Variants in GALNT18 observed in about 807,000 individuals in gnomAD.
GALNT18 encodes GalNAc-transferase 18.
Under a neutral mutation model 69.5 loss-of-function variants are expected in GALNT18, and 44 were observed. The observed-to-expected ratio is 0.63, with a 90% CI of 0.50 to 0.81. The LOEUF is 0.81. Among genes scored for constraint, GALNT18 ranks in the 40% least tolerant of loss-of-function variants. GALNT18 has a pLI of 0.00. For synonymous variants in GALNT18, 364 were observed against 318.2 expected, an observed-to-expected ratio of 1.14 and a Z score of -1.53; for missense variants, 715 against 810.0, an observed-to-expected ratio of 0.88 and a Z score of 1.42.
intron 1 of GALNT18, among the ~76,000 whole-genome samples, chr11:11,502,195 T>C (rs1029838130): frequency 7.2e-5 from 11 of 152,164 alleles, no homozygotes; most frequent in Admixed American, 5.2e-4. Flanking sequence ...AAGATGTATC[T>C]CTAAGGCGAA....
chr11:11,510,000 A>C (rs7944077), intron 1 of GALNT18, among the ~76,000 whole-genome samples: 90,154 of 152,060 alleles, frequency 0.59, 27,670 homozygotes, highest in Non-Finnish European at 0.67. Flanking sequence ...CCAGCAGAGC[A>C]CCCAAGGTCC....
At chr11:11,492,448 T>C (rs1856790391) in intron 1 of GALNT18, among the ~76,000 whole-genome samples, 1 of 152,144 alleles carries the variant, frequency 6.6e-6, no homozygotes, top group South Asian at 2.1e-4. Flanking sequence ...GGGTTAGAAA[T>C]AGATCTGCAT....
Position 11,480,736 on chromosome 11 carries a change from A to G in GALNT18, c.236-31800T>C, listed in dbSNP as rs1024407560. Among the ~76,000 whole-genome samples, 3 of 152,198 alleles carry G rather than the reference A, an allele frequency of 2.0e-5. No individual in the cohort carries two copies. Among genetic ancestry groups the G allele is most frequent in the African/African-American group, 7.2e-5 (3 of 41,448 alleles). ...TCCAGATGAGTCCCTTCATCCCTGT[A>G]TCAGCACTTCTCACAGCGTGCTCTA... On this transcript the variant is annotated intron_variant, in intron 1 of 10. Coordinates refer to ENST00000227756, the MANE Select transcript of GALNT18 (RefSeq NM_198516.3). The surrounding 1 kb of genome is among the most constrained non-coding windows in gnomAD (Gnocchi z 4.6).
chr11:11,486,161 C>T (rs1450758098), intron 1 of GALNT18, among the ~76,000 whole-genome samples: 1 of 152,148 alleles, frequency 6.6e-6, no homozygotes, highest in Non-Finnish European at 1.5e-5. Context: ...AGCGAGTAGG[C>T]CTGCTGGCAC....
intron 6 of GALNT18, among the ~76,000 whole-genome samples, chr11:11,355,327 T>C (rs1850507905): frequency 6.6e-6 from 1 of 152,214 alleles, no homozygotes; most frequent in Non-Finnish European, 1.5e-5. Flanking sequence ...ATGGACTGAA[T>C]TGTCTCCCCC....
At position 11,277,345 on chromosome 11, in the gene GALNT18, C is replaced by A. The variant is rs944669220; in HGVS notation, c.1678-6055G>T. 3.3e-5 allele frequency among the ~76,000 whole-genome samples: 5 copies of A among 152,154 alleles called. No individual in the cohort carries two copies. In the South Asian group the frequency reaches 1.0e-3, roughly 32 times the overall value. On this transcript the variant is annotated intron_variant, in intron 10 of 10. Coordinates refer to ENST00000227756, the MANE Select transcript of GALNT18 (RefSeq NM_198516.3). ...ATGGTAGTTTGTATTTCTGTGGGAT[C>A]AGTGGTAATATCCCCTTTATCATTT... is the stretch of plus-strand genomic sequence containing the variant.
At chr11:11,531,194 G>A (rs1269326119) in intron 1 of GALNT18, among the ~76,000 whole-genome samples, 2 of 152,182 alleles carry the variant, frequency 1.3e-5, no homozygotes, top group African/African-American at 2.4e-5. Context: ...ACCAGGCAGC[G>A]TAGAAGCCAA....
chr11:11,565,786 G>A (rs116995275), intron 1 of GALNT18, among the ~76,000 whole-genome samples: 2 of 152,264 alleles, frequency 1.3e-5, no homozygotes, highest in Non-Finnish European at 2.9e-5. Flanking sequence ...AAATCCAGTC[G>A]GTCTTGGGAG....
chr11:11,515,905 GGA>G (rs918958537), intron 1 of GALNT18, among the ~76,000 whole-genome samples: 2 of 152,234 alleles, frequency 1.3e-5, no homozygotes, highest in African/African-American at 4.8e-5. Flanking sequence ...TCCCTCAACG[GGA>G]GAGAGGCAAC....
Position 11,598,059 on chromosome 11 carries a change from T to C in GALNT18, c.235+23300A>G, listed in dbSNP as rs1859544561. Among the ~76,000 whole-genome samples, 1 of 152,184 alleles carries C rather than the reference T, an allele frequency of 6.6e-6. No homozygotes were observed. Among genetic ancestry groups the C allele is most frequent in the Admixed American group, 6.5e-5 (1 of 15,272 alleles). Reference sequence around the variant, plus strand: ...CCAACTTTTGGTTTTATTGATCTTCTCTATTGGCTTTCTATTCTCCATTTA... The same window carrying C: ...CCAACTTTTGGTTTTATTGATCTTCCCTATTGGCTTTCTATTCTCCATTTA... On this transcript the variant is annotated intron_variant, in intron 1 of 10. Coordinates refer to ENST00000227756, the MANE Select transcript of GALNT18 (RefSeq NM_198516.3). The surrounding 1 kb of genome is among the most constrained non-coding windows in gnomAD (Gnocchi z 4.8).
At chr11:11,376,546 T>C (rs1853766251) in intron 5 of GALNT18, among the ~76,000 whole-genome samples, 1 of 152,094 alleles carries the variant, frequency 6.6e-6, no homozygotes, top group Non-Finnish European at 1.5e-5. Context: ...CAGTATGAAG[T>C]CACTTTTGTC....
At chr11:11,526,634 C>T (rs148178636) in intron 1 of GALNT18, among the ~76,000 whole-genome samples, 242 of 152,284 alleles carry the variant, frequency 1.6e-3, no homozygotes, top group Non-Finnish European at 2.7e-3. Flanking sequence ...TCAGGCTACA[C>T]GTCCATCAGG....
chr11:11,563,291 C>G lies in GALNT18; in HGVS notation c.235+58068G>C, dbSNP rs1351463379. Among the ~76,000 whole-genome samples, 1 of 152,168 alleles carries G rather than the reference C, an allele frequency of 6.6e-6. No homozygotes were observed. Among genetic ancestry groups the G allele is most frequent in the Non-Finnish European group, 1.5e-5 (1 of 68,038 alleles). On this transcript the variant is annotated intron_variant, in intron 1 of 10. Coordinates refer to ENST00000227756, the MANE Select transcript of GALNT18 (RefSeq NM_198516.3). This position sits in a 1 kb window ranked among gnomAD's most constrained non-coding sequence, Gnocchi z 4.6. ...TTGTTCTCATAGGGCAATTTCAGCT[C>G]CATCTGCAGTCTTTTCTTTCCGGAA...
chr11:11,365,156 C>T (rs1381075885), intron 6 of GALNT18, among the ~76,000 whole-genome samples: 4 of 152,166 alleles, frequency 2.6e-5, no homozygotes, highest in Admixed American at 2.6e-4. Flanking sequence ...CAACCCCCAA[C>T]CCCCTACAGG....
rs1465334253 is a variant in GALNT18, at chr11:11,320,814, C to G, written c.1512+6272G>C. Among the ~76,000 whole-genome samples the G allele has an allele frequency of 6.6e-6, 1 of 152,168 alleles. No individual in the cohort carries two copies. Among genetic ancestry groups the G allele is most frequent in the African/African-American group, 2.4e-5 (1 of 41,434 alleles). On this transcript the variant is annotated intron_variant, in intron 9 of 10. Coordinates refer to ENST00000227756, the MANE Select transcript of GALNT18 (RefSeq NM_198516.3). The surrounding 1 kb of genome is among the most constrained non-coding windows in gnomAD (Gnocchi z 4.9). Reference sequence around the variant, plus strand: ...AGCTCTCCCAGCTCACTGGGCAGGCCACAGCCTCAACAGAGTCCTGCCACA... The same window carrying G: ...AGCTCTCCCAGCTCACTGGGCAGGCGACAGCCTCAACAGAGTCCTGCCACA...
chr11:11,590,874 A>G lies in GALNT18; in HGVS notation c.235+30485T>C, dbSNP rs1859340617. On this transcript the variant is annotated intron_variant, in intron 1 of 10. Coordinates refer to ENST00000227756, the MANE Select transcript of GALNT18 (RefSeq NM_198516.3). This position sits in a 1 kb window ranked among gnomAD's most constrained non-coding sequence, Gnocchi z 4.4. The stretch of plus-strand genomic sequence containing the variant: ...ATATAAAAGTATAGAACATACAATT[A>G]TGTACAGTACATAATCATTGATAAT... 6.6e-6 allele frequency among the ~76,000 whole-genome samples: 1 copy of G among 152,194 alleles called. No individual in the cohort carries two copies. Among genetic ancestry groups the G allele is most frequent in the South Asian group, 2.1e-4 (1 of 4,826 alleles).
intron 9 of GALNT18, among the ~76,000 whole-genome samples, chr11:11,304,350 A>G (rs1461522574): frequency 6.6e-6 from 1 of 152,218 alleles, no homozygotes; most frequent in Non-Finnish European, 1.5e-5. Context: ...CCTTCAAATT[A>G]ACAAATACAG....
chr11:11,436,240 T>G lies in GALNT18; in HGVS notation c.429-3453A>C, dbSNP rs1473912667. On this transcript the variant is annotated intron_variant, in intron 2 of 10. Transcript: ENST00000227756. The surrounding 1 kb of genome is among the most constrained non-coding windows in gnomAD (Gnocchi z 4.5). ...CACCTTCCCTCTCTGCTCTATGTCTTGGTCACAGAATAAGGAAATGGGAAG... is the reference window on the plus strand; with the variant it reads ...CACCTTCCCTCTCTGCTCTATGTCTGGGTCACAGAATAAGGAAATGGGAAG... Among the ~76,000 whole-genome samples, 1 of 152,230 alleles carries G rather than the reference T, an allele frequency of 6.6e-6. No homozygotes were observed. The highest frequency in any genetic ancestry group is 1.5e-5 in the Non-Finnish European group (1 of 68,044).
intron 1 of GALNT18, among the ~76,000 whole-genome samples, chr11:11,535,001 T>G (rs1457614937): frequency 6.6e-6 from 1 of 152,266 alleles, no homozygotes; most frequent in Non-Finnish European, 1.5e-5. Context: ...GCTCCACTAC[T>G]GTCTTGCTGA....
Sources: gnomAD v4.1 joint callset for allele counts (sites outside exome capture counted in the v4.1 genomes callset) on GRCh38, gnomAD v4.1.1 for gene constraint, Gnocchi (gnomAD v3.1) non-coding constraint, MANE v1.5 for transcripts, NCBI Gene and HGNC (gene_info 2026-07-23, HGNC 2026-07-21) for gene names.